The following JADE3 variants were observed in gnomAD, a reference collection of about 807,000 sequenced individuals.
The protein encoded by JADE3 is jade family PHD finger 3.
A neutral mutation model predicts 50.1 loss-of-function variants in JADE3; 2 were observed. That is an observed-to-expected ratio of 0.04 (90% CI 0.02 to 0.13). The LOEUF (loss-of-function observed/expected upper bound fraction) is 0.13. JADE3 is among the 10% of genes least tolerant of loss of function. The pLI is 1.00. For synonymous variants in JADE3, 218 were observed against 232.9 expected (o/e 0.94, Z 0.58); for missense variants, 475 against 634.4 (o/e 0.75, Z 2.70).
At position 47,058,995 on chromosome X, in the gene JADE3, A is replaced by G. The variant is rs1929701708; in HGVS notation, c.2390A>G (p.Glu797Gly). The G allele has an allele frequency of 1.7e-6, 2 of 1,209,945 alleles. No individual in the cohort carries two copies. Among genetic ancestry groups the G allele is most frequent in the East Asian group, 5.9e-5 (2 of 33,853 alleles). ...VRVRKDSSDR[E>G]NPPHDSRRDC... ...GTAAGGAAAGATAGCTCAGACAGGG[A>G]AAATCCTCCCCATGACTCTAGACGG... Residue 797 changes from glutamate (E) to glycine (G), a missense_variant, in exon 11 of 11, where the codon GAA becomes GGA. Coordinates refer to ENST00000614628, the MANE Select transcript of JADE3 (RefSeq NM_014735.5).
At chrX:46,966,897 G>T (rs1927380475) in intron 1 of JADE3, among the ~76,000 whole-genome samples, 1 of 112,093 alleles carries the variant, frequency 8.9e-6, no homozygotes, top group Admixed American at 9.5e-5. Flanking sequence ...TCTGTTCATA[G>T]AAAATCATCC....
At chrX:47,033,553 A>C in intron 6 of JADE3, 68 bp from the exon 7 acceptor site, 1 of 912,014 alleles carries the variant, frequency 1.1e-6, no homozygotes, top group South Asian at 2.6e-5. Context: ...GTGACTGTGT[A>C]TCAGAACAGA....
intron 6 of JADE3, among the ~76,000 whole-genome samples, chrX:47,028,627 C>G (rs782364516): frequency 1.8e-5 from 2 of 111,635 alleles, no homozygotes; most frequent in South Asian, 7.5e-4. Context: ...GACTGTCTAA[C>G]TCCTCAATTT....
chrX:46,946,318 T>C (rs1556343404), intron 1 of JADE3, among the ~76,000 whole-genome samples: 1 of 111,245 alleles, frequency 9.0e-6, no homozygotes, highest in African/African-American at 3.3e-5. Context: ...TTAAGGTAAA[T>C]GTAGAGGACT....
At chrX:46,996,314 C>T (rs957249297) in intron 3 of JADE3, among the ~76,000 whole-genome samples, 27 of 112,304 alleles carry the variant, frequency 2.4e-4, no homozygotes, top group Non-Finnish European at 3.2e-4. Context: ...GGATTACAGG[C>T]GTGAGCCACT....
chrX:46,970,064 C>G (rs1927452910), intron 1 of JADE3, among the ~76,000 whole-genome samples: 1 of 112,166 alleles, frequency 8.9e-6, no homozygotes, highest in African/African-American at 3.2e-5. Context: ...CATCTAAAAA[C>G]TGGTTCTTCC....
intron 1 of JADE3, among the ~76,000 whole-genome samples, chrX:46,950,362 A>G (rs1926977002): frequency 8.9e-6 from 1 of 112,418 alleles, no homozygotes; most frequent in Non-Finnish European, 1.9e-5. Flanking sequence ...AGATGTGGAC[A>G]TTTCATATAA....
rs781802000 is a variant in JADE3 at position 47,033,761 on chromosome X, T to C, written c.828T>C (p.His276=). Reference sequence around the variant, plus strand: ...CCAAGACAGGGACTAAATGGGCTCATGTCAGCTGTGCCCTGTGGATCCCAG... The same window carrying C: ...CCAAGACAGGGACTAAATGGGCTCACGTCAGCTGTGCCCTGTGGATCCCAG... ...KTTKTGTKWA[H]VSCALWIPEV... The change falls in exon 7 of 11, where the codon CAT becomes CAC. Residue 276 remains histidine, a synonymous_variant. Transcript: ENST00000614628. The C allele has an allele frequency of 8.5e-7, 1 of 1,181,929 alleles. No individual in the cohort carries two copies. The highest frequency in any genetic ancestry group is 1.9e-5 in the South Asian group (1 of 52,815).
intron 1 of JADE3, among the ~76,000 whole-genome samples, chrX:46,966,106 A>ATTGATTT (rs1927360232): frequency 8.9e-6 from 1 of 112,060 alleles, no homozygotes; most frequent in Non-Finnish European, 1.9e-5. Context: ...GTTAACTGAC[A>ATTGATTT]GGGCTTAATA....
rs782703129 is a variant in JADE3, at chrX:47,028,012, A to C, written c.596A>C (p.Glu199Ala). ...TEEGLGIEYD[E>A]DVICDVCRSP... Reference sequence around the variant, plus strand: ...GAAGGGCTAGGCATAGAGTATGATGAAGATGTGATCTGTGATGTGTGCCGG... The same window carrying C: ...GAAGGGCTAGGCATAGAGTATGATGCAGATGTGATCTGTGATGTGTGCCGG... The change falls in exon 6 of 11, where the codon GAA (glutamate) becomes GCA (alanine). Residue 199 changes from glutamate to alanine, a missense_variant. By Grantham distance (107) the Glu-to-Ala change is moderately radical. Coordinates refer to ENST00000614628, the MANE Select transcript of JADE3 (RefSeq NM_014735.5). 8.3e-7 allele frequency: 1 copy of C among 1,208,501 alleles called. No individual in the cohort carries two copies.
rs782389176 is a variant in JADE3 at position 47,024,740 on chromosome X, G to T, written c.301G>T (p.Val101Leu). The T allele has an allele frequency of 1.7e-6, 2 of 1,183,795 alleles. No individual in the cohort carries two copies. Among genetic ancestry groups the T allele is most frequent in the African/African-American group, 1.8e-5 (1 of 57,105 alleles). ...CTTTTCTAGGATTATAGCTGAGAAGGTAAAGGACGTTCTGTTTATCCGACC... is the reference window on the plus strand; with the variant it reads ...CTTTTCTAGGATTATAGCTGAGAAGTTAAAGGACGTTCTGTTTATCCGACC... ...QPSLRIIAEK[V>L]KDVLFIRPRK... The change falls in exon 5 of 11, where the codon GTA becomes TTA. Residue 101 changes from valine to leucine, a missense_variant. This residue lies in a region of JADE3 where 54 missense variants were observed against 51.8 expected (regional missense o/e 1.04). Transcript: ENST00000614628.
chrX:46,965,407 C>T (rs1284708884), intron 1 of JADE3, among the ~76,000 whole-genome samples: 2 of 111,222 alleles, frequency 1.8e-5, no homozygotes, highest in African/African-American at 6.5e-5. Context: ...AGAATAACAT[C>T]CATTACAAAA....
intron 1 of JADE3, among the ~76,000 whole-genome samples, chrX:46,947,042 C>T (rs1376074778): frequency 1.8e-5 from 2 of 111,462 alleles, no homozygotes; most frequent in Non-Finnish European, 3.8e-5. Flanking sequence ...CTCTTTGAGA[C>T]GGAGTCTCAC....
intron 4 of JADE3, among the ~76,000 whole-genome samples, chrX:47,012,820 G>T (rs1248583148): frequency 9.1e-6 from 1 of 109,826 alleles, no homozygotes; most frequent in Non-Finnish European, 1.9e-5. Context: ...AGGGGTCCAA[G>T]TTCATTTTTT....
intron 5 of JADE3, among the ~76,000 whole-genome samples, chrX:47,025,313 G>T (rs1398263373): frequency 9.0e-6 from 1 of 111,261 alleles, no homozygotes; most frequent in African/African-American, 3.3e-5. Context: ...GCCAGAGGTA[G>T]AGGCCCCTCT....
chrX:47,046,594 C>T (rs1929382645), intron 8 of JADE3, among the ~76,000 whole-genome samples: 1 of 112,083 alleles, frequency 8.9e-6, no homozygotes, highest in African/African-American at 3.2e-5. Context: ...AAACTACAGG[C>T]CAGTATTCTG....
At chrX:47,027,832 A>G in intron 5 of JADE3, 60 bp from the exon 6 acceptor site, 3 of 950,708 alleles carry the variant, frequency 3.2e-6, no homozygotes, top group Non-Finnish European at 4.5e-6. Context: ...GGCTCACAGT[A>G]GGTGTTTTGG....
At chrX:46,936,450 T>C (rs1306758603) in intron 1 of JADE3, among the ~76,000 whole-genome samples, 1 of 111,891 alleles carries the variant, frequency 8.9e-6, no homozygotes, top group Non-Finnish European at 1.9e-5. Context: ...TAGTTTTCTC[T>C]TTTTGTATGT....
chrX:46,949,030 C>T (rs1556344176), intron 1 of JADE3, among the ~76,000 whole-genome samples: 2 of 111,277 alleles, frequency 1.8e-5, no homozygotes, highest in African/African-American at 6.5e-5. Context: ...ACTCACTGGA[C>T]TTAAGTGATC....
Sources: allele counts gnomAD v4.1 joint callset (sites outside exome capture counted in the v4.1 genomes callset), GRCh38; gene constraint gnomAD v4.1.1; regional missense constraint gnomAD v4.1.1; transcripts MANE v1.5; gene names NCBI Gene and HGNC (gene_info 2026-07-23, HGNC 2026-07-21).